GRIK3: variants seen among roughly 807,000 people sequenced by gnomAD.
GRIK3 encodes the protein glutamate ionotropic receptor kainate type subunit 3.
Under a neutral mutation model 102.5 loss-of-function variants are expected in GRIK3, and 29 were observed. That is an observed-to-expected ratio of 0.28 (90% CI 0.21 to 0.39). The LOEUF (loss-of-function observed/expected upper bound fraction) is 0.39. GRIK3 is among the 10% of genes least tolerant of loss of function. The pLI, the probability that GRIK3 is intolerant of heterozygous loss-of-function variation, is 1.00. For synonymous variants in GRIK3, 511 were observed against 504.9 expected (o/e 1.01, Z -0.16); for missense variants, 908 against 1,252.4 (o/e 0.73, Z 4.15).
At chr1:36,864,718 A>T (rs972441493) in intron 5 of GRIK3, among the ~76,000 whole-genome samples, 1 of 152,168 alleles carries the variant, frequency 6.6e-6, no homozygotes, top group African/African-American at 2.4e-5. Context: ...TCCTCCCTGT[A>T]ACCCCTGAGC....
intron 1 of GRIK3, among the ~76,000 whole-genome samples, chr1:37,020,741 T>C (rs952098244): frequency 1.3e-5 from 2 of 149,076 alleles, no homozygotes; most frequent in African/African-American, 4.9e-5. Context: ...CTACCAGAGT[T>C]CTAAAGGAAT....
intron 2 of GRIK3, among the ~76,000 whole-genome samples, chr1:36,882,792 T>A (rs563481758): frequency 2.1e-4 from 32 of 152,266 alleles, no homozygotes; most frequent in South Asian, 2.1e-3. Context: ...GTGAACATAG[T>A]CAGTGTGGGT....
At chr1:36,833,764 T>C (rs1640339744) in intron 10 of GRIK3, among the ~76,000 whole-genome samples, 1 of 152,226 alleles carries the variant, frequency 6.6e-6, no homozygotes, top group Admixed American at 6.5e-5. Flanking sequence ...CCAGAGTTCA[T>C]AGTGCCATGG....
chr1:36,850,527 A>G lies in GRIK3; in HGVS notation c.1213-103T>C. The G allele has an allele frequency of 1.4e-6, 1 of 708,808 alleles. No individual in the cohort carries two copies. The highest frequency in any genetic ancestry group is 2.6e-5 in the East Asian group (1 of 38,884). The allele number at this position is 708,808 out of a possible 1,614,324, so 43.9% of individuals were successfully genotyped here. A position where few individuals can be genotyped will look rare whatever the true frequency, so the allele number is the denominator to read the frequency against. On this transcript the variant is annotated intron_variant, in intron 8 of 15. Transcript: ENST00000373091. This position sits in a 1 kb window ranked among gnomAD's most constrained non-coding sequence, Gnocchi z 4.0. ...CTCATTCCCATTCATCATGAGCCTC[A>G]TTGTCATGATCATCATCATCATCAC...
chr1:37,010,315 C>G (rs1053853877), intron 1 of GRIK3, among the ~76,000 whole-genome samples: 2 of 152,152 alleles, frequency 1.3e-5, no homozygotes, highest in African/African-American at 2.4e-5. Context: ...GAAATGGATA[C>G]TTATTCTTTT....
intron 1 of GRIK3, among the ~76,000 whole-genome samples, chr1:36,922,337 G>A (rs1247826726): frequency 6.6e-6 from 1 of 152,168 alleles, no homozygotes; most frequent in Non-Finnish European, 1.5e-5. Flanking sequence ...GTTCTGCCCT[G>A]TGGCAGGTAC....
In GRIK3 at chr1:36,819,665, T is replaced by G; in HGVS notation, c.1873+71A>C. On this transcript the variant is annotated intron_variant, in intron 12 of 15. Transcript: ENST00000373091. This position sits in a 1 kb window ranked among gnomAD's most constrained non-coding sequence, Gnocchi z 4.1. ...TAGAGGTGTGGGCTGGCTCTGCTGA[T>G]GCCAAAGAGGCTGAAGACCGCTTGG... is the stretch of plus-strand genomic sequence containing the variant. 1.2e-6 allele frequency: 1 copy of G among 824,388 alleles called. No individual in the cohort carries two copies. The highest frequency in any genetic ancestry group is 2.1e-6 in the Non-Finnish European group (1 of 465,218). 51.1% of individuals were successfully genotyped at this position (824,388 alleles called of 1,614,324 possible).
At chr1:36,957,444 GTCTGTGC>G (rs1641928208) in intron 1 of GRIK3, among the ~76,000 whole-genome samples, 2 of 28,056 alleles carry the variant, frequency 7.1e-5, no homozygotes, top group Non-Finnish European at 7.2e-5. Context: ...TGCTCTGTGA[GTCTGTGC>G]CCTGTGAGCC....
chr1:36,908,377 C>T (rs919899203), intron 1 of GRIK3, among the ~76,000 whole-genome samples: 10 of 152,198 alleles, frequency 6.6e-5, no homozygotes, highest in Non-Finnish European at 1.5e-4. Context: ...CTCCACTACC[C>T]TCTCCCTCCT....
At chr1:36,910,433 G>A (rs945033898) in intron 1 of GRIK3, among the ~76,000 whole-genome samples, 1 of 152,230 alleles carries the variant, frequency 6.6e-6, no homozygotes, top group Non-Finnish European at 1.5e-5. Context: ...CAGGGCCCCC[G>A]CAGCTCAGTG....
intron 1 of GRIK3, among the ~76,000 whole-genome samples, chr1:36,931,946 G>A (rs545070422): frequency 6.6e-6 from 1 of 152,250 alleles, no homozygotes; most frequent in South Asian, 2.1e-4. Context: ...AGAGGACCCA[G>A]CTCTGCATCA....
intron 15 of GRIK3, 27 bp downstream of exon 15, chr1:36,804,960 G>A: frequency 6.2e-7 from 1 of 1,612,666 alleles, no homozygotes; most frequent in Non-Finnish European, 8.5e-7. Flanking sequence ...TTCCCATCCT[G>A]TGCAGGCTCC....
intron 1 of GRIK3, among the ~76,000 whole-genome samples, chr1:36,931,089 C>G (rs529442468): frequency 6.6e-6 from 1 of 152,206 alleles, no homozygotes; most frequent in African/African-American, 2.4e-5. Flanking sequence ...AGCAGAGTCT[C>G]CCCTTCACTC....
intron 8 of GRIK3, among the ~76,000 whole-genome samples, chr1:36,851,277 C>A (rs1640581689): frequency 6.6e-6 from 1 of 152,236 alleles, no homozygotes; most frequent in Admixed American, 6.5e-5. Flanking sequence ...CTGCCTTAAT[C>A]CTCCCAAAGC....
chr1:36,960,789 A>G (rs1641998753), intron 1 of GRIK3, among the ~76,000 whole-genome samples: 1 of 152,190 alleles, frequency 6.6e-6, no homozygotes, highest in Non-Finnish European at 1.5e-5. Context: ...GCTGCCTGGT[A>G]TATCAGCATC....
chr1:36,931,103 C>T (rs1050280783), intron 1 of GRIK3, among the ~76,000 whole-genome samples: 5 of 152,170 alleles, frequency 3.3e-5, no homozygotes, highest in African/African-American at 7.2e-5. Context: ...TTCACTCAGT[C>T]GGTTGGAACT....
chr1:36,940,526 T>C (rs1641707423), intron 1 of GRIK3, among the ~76,000 whole-genome samples: 1 of 152,258 alleles, frequency 6.6e-6, no homozygotes, highest in South Asian at 2.1e-4. Flanking sequence ...CCTGGGTCTC[T>C]GGAGCATCTT....
At chr1:36,973,834 T>TC (rs1399350936) in intron 1 of GRIK3, among the ~76,000 whole-genome samples, 4 of 152,148 alleles carry the variant, frequency 2.6e-5, no homozygotes, top group Non-Finnish European at 5.9e-5. Flanking sequence ...TGCCACATCC[T>TC]CCCAGCTCAC....
At chr1:37,030,056 T>C (rs1051112444) in intron 1 of GRIK3, among the ~76,000 whole-genome samples, 4 of 152,066 alleles carry the variant, frequency 2.6e-5, no homozygotes, top group Non-Finnish European at 5.9e-5. Context: ...AAAATTAAAC[T>C]CCAGTTGAGA....
Sources: allele counts gnomAD v4.1 joint callset (sites outside exome capture counted in the v4.1 genomes callset), GRCh38; gene constraint gnomAD v4.1.1; non-coding constraint Gnocchi (gnomAD v3.1); transcripts MANE v1.5; gene names NCBI Gene and HGNC (gene_info 2026-07-23, HGNC 2026-07-21).